Variants in UBR4 observed in about 807,000 individuals in gnomAD.
UBR4 encodes E3 ubiquitin-protein ligase UBR4.
Under a neutral mutation model 575.6 loss-of-function variants are expected in UBR4, and 124 were observed. The observed-to-expected ratio is 0.22, with a 90% CI of 0.19 to 0.25. UBR4 has a LOEUF of 0.25. Ranked by LOEUF, UBR4 falls within the 10% of genes least tolerant of loss-of-function variation. UBR4 has a pLI of 1.00. For missense variants in UBR4, 4,818 were observed against 6,478.8 expected, an observed-to-expected ratio of 0.74 and a Z score of 8.80; for synonymous variants, 2,455 against 2,473.7, an observed-to-expected ratio of 0.99 and a Z score of 0.22.
At position 19,124,480 on chromosome 1, in the gene UBR4, C is replaced by A. The variant is rs1043933831; in HGVS notation, c.9588+61G>T. 17 of 1,590,862 alleles carry A rather than the reference C, an allele frequency of 1.1e-5. No homozygotes were observed. In the African/African-American group the frequency reaches 1.5e-4, roughly 14 times the overall value. Reference sequence around the variant, plus strand: ...TAAGGATGAGGAAGAAAGGGGCCCACAGAGGTGAATGCAGATGTGTCCTCA... The same window carrying A: ...TAAGGATGAGGAAGAAAGGGGCCCAAAGAGGTGAATGCAGATGTGTCCTCA... On this transcript the variant is annotated intron_variant, in intron 65 of 105. Transcript: ENST00000375254.
intron 92 of UBR4, among the ~76,000 whole-genome samples, chr1:19,096,322 G>A (rs1489930067): frequency 6.6e-6 from 1 of 152,214 alleles, no homozygotes; most frequent in African/African-American, 2.4e-5. Context: ...AGGTATTGGA[G>A]AAGGGAAGTG....
At chr1:19,134,305 T>A (rs74391285) in intron 60 of UBR4, among the ~76,000 whole-genome samples, 2 of 151,860 alleles carry the variant, frequency 1.3e-5, no homozygotes. Flanking sequence ...CATGGTGGCA[T>A]GTGCCTAGCT....
intron 81 of UBR4, among the ~76,000 whole-genome samples, chr1:19,108,013 G>A (rs1402105074): frequency 2.0e-5 from 3 of 152,142 alleles, no homozygotes; most frequent in Non-Finnish European, 1.5e-5. Flanking sequence ...TGTCATGACA[G>A]GTTGTTTTGG....
chr1:19,202,094 G>A (rs973065909), intron 1 of UBR4, among the ~76,000 whole-genome samples: 7 of 152,088 alleles, frequency 4.6e-5, no homozygotes, highest in African/African-American at 1.7e-4. Context: ...TCAGGAGGCT[G>A]AGGCAGGAGA....
At chr1:19,141,861 A>ACC in intron 55 of UBR4, 84 bp from the exon 56 acceptor site, 1 of 1,565,606 alleles carries the variant, frequency 6.4e-7, no homozygotes, top group Non-Finnish European at 8.6e-7. Flanking sequence ...GGCAACAAAA[A>ACC]CCCAAGACAA....
intron 50 of UBR4, 115 bp downstream of exon 50, chr1:19,148,448 T>C (rs1367302284): frequency 9.8e-6 from 13 of 1,331,874 alleles, no homozygotes; most frequent in Non-Finnish European, 1.3e-5. Context: ...TCTTAGCAAA[T>C]CAAGATTATG....
rs765986136 is a variant in UBR4, at chr1:19,162,508, A to G, written c.4868T>C (p.Val1623Ala). ...SNGQGPSHLS[V>A]DGEERAIEVD... is the part of the protein sequence containing the mutation. Reference sequence around the variant, plus strand: ...TTCAATGGCCCGCTCTTCCCCATCCACTGAGAGATGACTTGGGCCTTGACC... The same window carrying G: ...TTCAATGGCCCGCTCTTCCCCATCCGCTGAGAGATGACTTGGGCCTTGACC... Residue 1623 changes from valine to alanine, a missense_variant, in exon 35 of 106, where the codon GTG becomes GCG. This residue lies in a region of UBR4 where 1,172 missense variants were observed against 1,259.7 expected (regional missense o/e 0.93). Transcript: ENST00000375254. 9 of 1,614,110 alleles carry G rather than the reference A, an allele frequency of 5.6e-6. No individual in the cohort carries two copies. The South Asian group carries it at 9.9e-5, about 18-fold the overall frequency.
intron 51 of UBR4, 97 bp downstream of exon 51, chr1:19,147,896 C>G: frequency 4.6e-6 from 7 of 1,522,412 alleles, no homozygotes; most frequent in Non-Finnish European, 6.2e-6. Context: ...TATCCTCCCT[C>G]TACCTTACTT....
chr1:19,151,419 C>A (rs2085685125), intron 48 of UBR4: 2 of 613,772 alleles, frequency 3.3e-6, no homozygotes, highest in East Asian at 5.6e-5. Flanking sequence ...AATGAATACT[C>A]AACACAGTGC....
At chr1:19,123,117 C>T in intron 65 of UBR4, 57 bp from the exon 66 acceptor site, 1 of 1,564,334 alleles carries the variant, frequency 6.4e-7, no homozygotes, top group Non-Finnish European at 8.7e-7. Context: ...TCTATATCAA[C>T]TGTGGCTCTC....
At position 19,160,266 on chromosome 1, in the gene UBR4, C is replaced by T. The variant is rs533890455; in HGVS notation, c.5422G>A (p.Ala1808Thr). Reference sequence around the variant, plus strand: ...TTAAGCATGTCTAACACGAGAGGAGCGAAGGAGAAATTGGCCTGAGAAAAA... The same window carrying T: ...TTAAGCATGTCTAACACGAGAGGAGTGAAGGAGAAATTGGCCTGAGAAAAA... ...ELQNQANFSFAPLVLDMLNFL... is the reference protein window; with the variant it reads ...ELQNQANFSFTPLVLDMLNFL... The change falls in exon 39 of 106, where the codon GCT (alanine) becomes ACT (threonine). Residue 1808 changes from alanine to threonine, a missense_variant. Physicochemically the swap from Ala to Thr is moderately conservative, Grantham distance 58 (BLOSUM62 0). This residue lies in a region of UBR4 where 159 missense variants were observed against 174.6 expected (regional missense o/e 0.91). Coordinates refer to ENST00000375254, the MANE Select transcript of UBR4 (RefSeq NM_020765.3). 14 of 1,597,356 alleles carry T rather than the reference C, an allele frequency of 8.8e-6. No homozygotes were observed. Among genetic ancestry groups the T allele is most frequent in the Admixed American group, 3.5e-5 (2 of 57,548 alleles).
At chr1:19,194,242 T>A (rs567101675) in intron 8 of UBR4, among the ~76,000 whole-genome samples, 1 of 152,328 alleles carries the variant, frequency 6.6e-6, no homozygotes, top group South Asian at 2.1e-4. Context: ...AAATCCACCG[T>A]ACTAATTAAA....
At chr1:19,149,184 A>G (rs1184689713) in intron 49 of UBR4, among the ~76,000 whole-genome samples, 1 of 152,252 alleles carries the variant, frequency 6.6e-6, no homozygotes, top group African/African-American at 2.4e-5. Flanking sequence ...TTTTCCCCTT[A>G]GGAAAGGAAT....
At chr1:19,132,177 GTTTT>G (rs1161232641) in intron 60 of UBR4, among the ~76,000 whole-genome samples, 1 of 151,884 alleles carries the variant, frequency 6.6e-6, no homozygotes, top group Non-Finnish European at 1.5e-5. Context: ...TTCAAATATG[GTTTT>G]TTGTTTGTTT....
rs183978983 is a variant in UBR4 at position 19,174,881 on chromosome 1, T to C, written c.2853+73A>G. On this transcript the variant is annotated intron_variant, in intron 21 of 105. Transcript: ENST00000375254. ...ACTATAAAAAGTCAGTCATTCCCTT[T>C]CCCCCCAGTAGGCTGATTCTGGTGG... 2.1e-4 allele frequency: 289 copies of C among 1,396,112 alleles called. 1 individual carries two copies. In the African/African-American group the frequency reaches 3.6e-3, roughly 17 times the overall value. The allele number at this position is 1,396,112 out of a possible 1,614,324, so 86.5% of individuals were successfully genotyped here.
At position 19,152,534 on chromosome 1, in the gene UBR4, T is replaced by C. The variant is rs2085879178; in HGVS notation, c.6833-58A>G. On this transcript the variant is annotated intron_variant, in intron 46 of 105. Coordinates refer to ENST00000375254, the MANE Select transcript of UBR4 (RefSeq NM_020765.3). The surrounding 1 kb of genome is among the most constrained non-coding windows in gnomAD (Gnocchi z 4.4). The stretch of plus-strand genomic sequence containing the variant: ...TCTCCCACCTCTGCCCCAACACCAC[T>C]GGTAAAGACTCCTCCCAGACAGAGC... 1.9e-6 allele frequency: 3 copies of C among 1,603,408 alleles called. No individual in the cohort carries two copies. The highest frequency in any genetic ancestry group is 1.3e-5 in the African/African-American group (1 of 74,746).
At chr1:19,094,223 C>T (rs2148898645) in intron 94 of UBR4, 84 bp from the exon 95 acceptor site, 1 of 1,064,790 alleles carries the variant, frequency 9.4e-7, no homozygotes, top group South Asian at 1.5e-5. Flanking sequence ...AAAGTCACCA[C>T]TTCCATCAGA....
rs1467957177 is a variant in UBR4, at chr1:19,118,017, C to T, written c.10542-107G>A. ...ATGGCTCAATGTGAGCCAAAGTGAG[C>T]CCAAAGTGAGCCCCACCCTAGTGAG... is the stretch of plus-strand genomic sequence containing the variant. On this transcript the variant is annotated intron_variant, in intron 71 of 105. Coordinates refer to ENST00000375254, the MANE Select transcript of UBR4 (RefSeq NM_020765.3). 4.8e-6 allele frequency: 5 copies of T among 1,038,264 alleles called. 1 individual carries two copies. The Admixed American group carries it at 9.7e-5, about 20-fold the overall frequency. 64.3% of individuals were successfully genotyped at this position (1,038,264 alleles called of 1,614,324 possible).
At chr1:19,204,183 T>A (rs1571850831) in intron 1 of UBR4, among the ~76,000 whole-genome samples, 3 of 152,206 alleles carry the variant, frequency 2.0e-5, no homozygotes, top group Non-Finnish European at 1.5e-5. Context: ...ATTTTTTTTT[T>A]AGTAGAGATG....
Sources: allele counts gnomAD v4.1 joint callset (sites outside exome capture counted in the v4.1 genomes callset), GRCh38; gene constraint gnomAD v4.1.1; regional missense constraint gnomAD v4.1.1; non-coding constraint Gnocchi (gnomAD v3.1); transcripts MANE v1.5; gene names NCBI Gene and HGNC (gene_info 2026-07-23, HGNC 2026-07-21).